Variants in POLR1E observed in about 807,000 individuals in gnomAD.
The protein encoded by POLR1E is RNA polymerase I subunit E.
Under a neutral mutation model 50.9 loss-of-function variants are expected in POLR1E, and 37 were observed. The ratio of observed to expected loss-of-function variants is 0.73; its 90% CI spans 0.56 to 0.96. The LOEUF (loss-of-function observed/expected upper bound fraction) is 0.96, where lower values mean the gene tolerates loss of function less well. POLR1E is among the 40% of genes least tolerant of loss of function. The pLI, the probability that POLR1E is intolerant of heterozygous loss-of-function variation, is 0.00. For missense variants in POLR1E, 426 were observed against 518.1 expected (o/e 0.82, Z 1.73); for synonymous variants, 166 against 191.6 (o/e 0.87, Z 1.10).
In POLR1E at chr9:37,487,885, C is replaced by T. The variant is rs765933246; in HGVS notation, c.203C>T (p.Ser68Phe). ...RILAAETDRL[S>F]YVGNNFGTGA... ...TAGGCAGCTGAAACAGATAGGCTCT[C>T]CTATGTGGGAAACAATTTTGGGACT... The change falls in exon 3 of 12, where the codon TCC becomes TTC. Residue 68 changes from serine to phenylalanine, a missense_variant. Coordinates refer to ENST00000377798, the MANE Select transcript of POLR1E (RefSeq NM_022490.4). 2.5e-6 allele frequency: 4 copies of T among 1,614,190 alleles called. No individual in the cohort carries two copies. Among genetic ancestry groups the T allele is most frequent in the Non-Finnish European group, 2.5e-6 (3 of 1,180,034 alleles).
Position 37,487,880 on chromosome 9 carries a change from G to GCT in POLR1E, c.202_203dup (p.Tyr69ProfsTer25). Reference sequence around the variant, plus strand: ...CATTTTAGGCAGCTGAAACAGATAGGCTCTCCTATGTGGGAAACAATTTTG... The same window carrying GCT: ...CATTTTAGGCAGCTGAAACAGATAGGCTCTCTCCTATGTGGGAAACAATTTTG... On this transcript the variant is annotated frameshift_variant, in exon 3 of 12. Coordinates refer to ENST00000377798, the MANE Select transcript of POLR1E (RefSeq NM_022490.4). LOFTEE classifies it high-confidence loss of function. The GCT allele has an allele frequency of 6.2e-7, 1 of 1,614,192 alleles. No homozygotes were observed. Among genetic ancestry groups the GCT allele is most frequent in the East Asian group, 2.2e-5 (1 of 44,880 alleles).
At chr9:37,494,932 T>C (rs1820758273) in intron 6 of POLR1E, among the ~76,000 whole-genome samples, 1 of 152,250 alleles carries the variant, frequency 6.6e-6, no homozygotes, top group South Asian at 2.1e-4. Context: ...CTATTGTAAG[T>C]TACCTGAGGG....
rs1482139761 is a variant in POLR1E, at chr9:37,503,100, G to A, written c.1158G>A (p.Val386=). 5 of 1,614,016 alleles carry A rather than the reference G, an allele frequency of 3.1e-6. No homozygotes were observed. Among genetic ancestry groups the A allele is most frequent in the Non-Finnish European group, 4.2e-6 (5 of 1,179,996 alleles). ...AGATCTCCAAAAGAAGGGTGTCTGT[G>A]GCCGCCGGCAGTGAAGAAGATCACA... ...RLKISKRRVS[V]AAGSEEDHKL... Residue 386 remains valine, a synonymous_variant, in exon 12 of 12, where the codon GTG becomes GTA. Coordinates refer to ENST00000377798, the MANE Select transcript of POLR1E (RefSeq NM_022490.4).
intron 6 of POLR1E, 123 bp downstream of exon 6, chr9:37,493,826 G>A (rs993487829): frequency 9.6e-7 from 1 of 1,038,398 alleles, no homozygotes; most frequent in Non-Finnish European, 1.3e-6. Context: ...TCAGCCTCTT[G>A]CTGAAGGCCT....
intron 6 of POLR1E, 82 bp downstream of exon 6, chr9:37,493,785 T>C (rs1034558019): frequency 3.0e-6 from 4 of 1,355,026 alleles, no homozygotes; most frequent in Non-Finnish European, 3.9e-6. Context: ...CACCCACACA[T>C]GGAATGCTGG....
At chr9:37,490,283 G>A (rs539990318) in intron 4 of POLR1E, 1 of 404,062 alleles carries the variant, frequency 2.5e-6, no homozygotes, top group African/African-American at 2.1e-5. Flanking sequence ...AATTTGAAGA[G>A]TAAAGACATT....
At chr9:37,486,500 C>T in intron 1 of POLR1E, 1 of 1,554,208 alleles carries the variant, frequency 6.4e-7, no homozygotes, top group Non-Finnish European at 8.7e-7. Context: ...GTCACAGCCC[C>T]TCCCCAGGGT....
chr9:37,492,270 G>A (rs1820698989), intron 4 of POLR1E: 1 of 1,290,736 alleles, frequency 7.7e-7, no homozygotes, highest in South Asian at 1.2e-5. Context: ...TCATGTTTAT[G>A]CCTGCTTTTA....
At chr9:37,498,376 C>T (rs1000910751) in intron 9 of POLR1E, 152 bp downstream of exon 9, 19 of 887,790 alleles carry the variant, frequency 2.1e-5, no homozygotes, top group African/African-American at 6.9e-5. Flanking sequence ...GCTGACATGT[C>T]GAGGGGACTT....
chr9:37,502,971 AC>A lies in POLR1E; in HGVS notation c.1101-70del, dbSNP rs1384657006. ...TGGCCTGGAGCATGAATGTGCTGCT[AC>A]CTTTTGCCAAACCTCCCTGAACAGT... On this transcript the variant is annotated intron_variant, in intron 11 of 11. Coordinates refer to ENST00000377798, the MANE Select transcript of POLR1E (RefSeq NM_022490.4). The A allele has an allele frequency of 2.1e-6, 3 of 1,433,064 alleles. No homozygotes were observed. The East Asian group carries it at 7.3e-5, about 35-fold the overall frequency. 88.8% of individuals were successfully genotyped at this position (1,433,064 alleles called of 1,614,324 possible).
rs1205144579 is a variant in POLR1E, at chr9:37,498,100, C to G, written c.762C>G (p.Thr254=). ...LKMIEENSHC[T]FVIEALKSLP... ...CTTTTCCTTGTTTTAGCCATTGCAC[C>G]TTTGTCATAGAAGCGTTGAAGTCTT... Residue 254 remains threonine (T), a synonymous_variant, in exon 9 of 12, where the codon ACC becomes ACG. Coordinates refer to ENST00000377798, the MANE Select transcript of POLR1E (RefSeq NM_022490.4). The G allele has an allele frequency of 6.2e-7, 1 of 1,613,754 alleles. No individual in the cohort carries two copies. Among genetic ancestry groups the G allele is most frequent in the East Asian group, 2.2e-5 (1 of 44,870 alleles).
intron 8 of POLR1E, among the ~76,000 whole-genome samples, chr9:37,497,533 A>T (rs1468085496): frequency 6.6e-6 from 1 of 152,262 alleles, no homozygotes; most frequent in Non-Finnish European, 1.5e-5. Context: ...GTGAGTAAGT[A>T]AAGTATAAAT....
At chr9:37,502,990 T>C in intron 11 of POLR1E, 53 bp from the exon 12 acceptor site, 1 of 1,532,882 alleles carries the variant, frequency 6.5e-7, no homozygotes, top group African/African-American at 1.4e-5. Flanking sequence ...CAAACCTCCC[T>C]GAACAGTCAT....
Position 37,495,882 on chromosome 9 carries a change from G to A in POLR1E, c.656-8G>A. 5 of 1,603,504 alleles carry A rather than the reference G, an allele frequency of 3.1e-6. No homozygotes were observed. The highest frequency in any genetic ancestry group is 4.3e-6 in the Non-Finnish European group (5 of 1,170,498). On this transcript the variant is annotated splice_region_variant and splice_polypyrimidine_tract_variant and intron_variant, in intron 7 of 11. Transcript: ENST00000377798. ...TTTGGTTGGATTATATTCTTGACCT[G>A]TAACTAGTTCTTTCCCCTGCGGAGT...
intron 4 of POLR1E, 49 bp downstream of exon 4, chr9:37,489,449 T>A: frequency 7.5e-7 from 1 of 1,328,514 alleles, no homozygotes; most frequent in Non-Finnish European, 1.0e-6. Flanking sequence ...AGTTTGGGTT[T>A]GCTGGATGAG....
Position 37,492,669 on chromosome 9 carries a change from A to G in POLR1E, c.356A>G (p.Glu119Gly), listed in dbSNP as rs754407292. 3 of 1,614,060 alleles carry G rather than the reference A, an allele frequency of 1.9e-6. No homozygotes were observed. The Admixed American group carries it at 5.0e-5, about 27-fold the overall frequency. Reference protein sequence around the residue: ...MQPLFSDVSVESELALESQTK... With the variant: ...MQPLFSDVSVGSELALESQTK... ...TGTGTTTTGATAGATGTATCAGTTG[A>G]GAGTGAACTGGCGCTAGAGAGTCAG... Residue 119 changes from glutamate to glycine, a missense_variant, in exon 5 of 12, where the codon GAG (glutamate) becomes GGG (glycine). Physicochemically the swap from Glu to Gly is moderately conservative, Grantham distance 98 (BLOSUM62 -2). Coordinates refer to ENST00000377798, the MANE Select transcript of POLR1E (RefSeq NM_022490.4).
At chr9:37,498,069 C>T (rs757215902) in intron 8 of POLR1E, 22 bp from the exon 9 acceptor site, 1 of 1,609,878 alleles carries the variant, frequency 6.2e-7, no homozygotes, top group African/African-American at 1.3e-5. Flanking sequence ...ACACAGGCCT[C>T]CTTTTCTTTT....
At chr9:37,492,763 A>C (rs1009381830) in intron 5 of POLR1E, 48 bp downstream of exon 5, 2 of 1,545,068 alleles carry the variant, frequency 1.3e-6, no homozygotes, top group Non-Finnish European at 1.8e-6. Context: ...AGTTCCTTCT[A>C]CACCTCGGGT....
intron 3 of POLR1E, among the ~76,000 whole-genome samples, chr9:37,488,772 C>CTT (rs35148517): frequency 6.1e-5 from 9 of 147,084 alleles, no homozygotes; most frequent in Non-Finnish European, 1.2e-4. Context: ...CACCTAGTAG[C>CTT]TTTTTTTTTT....
Sources: gnomAD v4.1 joint callset for allele counts (sites outside exome capture counted in the v4.1 genomes callset) on GRCh38, gnomAD v4.1.1 for gene constraint, MANE v1.5 for transcripts, NCBI Gene and HGNC (gene_info 2026-07-23, HGNC 2026-07-21) for gene names.